Variants in FRMD4A observed in about 807,000 individuals in gnomAD.
FRMD4A encodes the protein FERM domain containing 4A.
FRMD4A carries 29 observed loss-of-function variants against 129.1 expected under a neutral mutation model. The ratio of observed to expected loss-of-function variants is 0.22; its 90% CI spans 0.17 to 0.31. FRMD4A has a LOEUF of 0.31. Among genes scored for constraint, FRMD4A ranks in the 10% least tolerant of loss-of-function variants. The probability of loss-of-function intolerance (pLI) is 1.00; values close to 1 mark genes in which losing one functional copy is unlikely to be tolerated. For synonymous variants in FRMD4A, 634 were observed against 571.6 expected, an observed-to-expected ratio of 1.11 and a Z score of -1.56; for missense variants, 1,272 against 1,375.8, an observed-to-expected ratio of 0.92 and a Z score of 1.19.
chr10:13,884,138 ACACACT>A (rs2094580180), intron 2 of FRMD4A, among the ~76,000 whole-genome samples: 5 of 23,046 alleles, frequency 2.2e-4, no homozygotes, highest in South Asian at 2.0e-3. Context: ...ACACGCTCAC[ACACACT>A]CTCACACACT....
rs141744780 is a variant in FRMD4A, at chr10:14,323,097, T to C, written c.45+6961A>G. 1.6e-3 allele frequency among the ~76,000 whole-genome samples: 242 copies of C among 152,320 alleles called. 2 individuals are homozygous for C. The highest frequency in any genetic ancestry group is 5.7e-3 in the African/African-American group (237 of 41,562). On this transcript the variant is annotated intron_variant, in intron 2 of 24. Transcript: ENST00000357447. ...AATGGCTCACATGGCCACAGGAACA[T>C]CTGTTTTTCTAAAAGCGTTAGCTGA...
chr10:13,943,675 A>AAAAAAAAAAAG (rs2095310696), intron 2 of FRMD4A, among the ~76,000 whole-genome samples: 1 of 123,792 alleles, frequency 8.1e-6, no homozygotes, highest in African/African-American at 2.8e-5. Context: ...AAAAAAAAAA[A>AAAAAAAAAAAG]AAAAGAAAAA....
At position 13,866,386 on chromosome 10, in the gene FRMD4A, A is replaced by C. The variant is rs151157969; in HGVS notation, c.46-7474T>G. On this transcript the variant is annotated intron_variant, in intron 2 of 24. Transcript: ENST00000357447. ...CCAGGCTGTTGTGTGGCTCAGAAGG[A>C]AATTCCAAGGCCATGACTACAACTT... is the stretch of plus-strand genomic sequence containing the variant. 3.0e-3 allele frequency: 1,241 copies of C among 417,870 alleles called. 3 individuals carry two copies. Among genetic ancestry groups the C allele is most frequent in the Non-Finnish European group, 3.6e-3 (1,133 of 310,750 alleles). The allele number at this position is 417,870 out of a possible 1,614,324, so 25.9% of individuals were successfully genotyped here.
Position 13,666,239 on chromosome 10 carries a change from G to A in FRMD4A, c.1461C>T (p.Asn487=), listed in dbSNP as rs761788752. The A allele has an allele frequency of 3.7e-6, 6 of 1,613,980 alleles. No individual in the cohort carries two copies. The highest frequency in any genetic ancestry group is 3.3e-5 in the South Asian group (3 of 91,078). The change falls in exon 18 of 25, where the codon AAC becomes AAT. Residue 487 remains asparagine, a synonymous_variant. Coordinates refer to ENST00000357447, the MANE Select transcript of FRMD4A (RefSeq NM_018027.5). ...EAARRLASDP[N]VSKKLKKQRK... ...TTTGTTTCTTCAGTTTTTTGCTGAC[G>A]TTGGGGTCACTGGCTAGGCGGCGGG... is the stretch of plus-strand genomic sequence containing the variant.
intron 4 of FRMD4A, among the ~76,000 whole-genome samples, chr10:13,804,230 A>T (rs1353185128): frequency 6.6e-6 from 1 of 152,228 alleles, no homozygotes; most frequent in East Asian, 1.9e-4. Flanking sequence ...CCAGCAGATA[A>T]TACGTGGAAA....
chr10:14,241,824 C>T (rs946638817), intron 2 of FRMD4A, among the ~76,000 whole-genome samples: 2 of 151,578 alleles, frequency 1.3e-5, no homozygotes, highest in South Asian at 2.1e-4. Flanking sequence ...TCCATCTGCC[C>T]TACAGGATGG....
chr10:14,262,619 G>A (rs752941957), intron 2 of FRMD4A, among the ~76,000 whole-genome samples: 2 of 152,128 alleles, frequency 1.3e-5, no homozygotes, highest in Non-Finnish European at 2.9e-5. Flanking sequence ...CAGAGCTCAT[G>A]AGTTAAAGAC....
At chr10:13,717,885 T>TA (rs1455487616) in intron 12 of FRMD4A, among the ~76,000 whole-genome samples, 1 of 151,850 alleles carries the variant, frequency 6.6e-6, no homozygotes, top group Non-Finnish European at 1.5e-5. Context: ...TGCAGGGAAA[T>TA]ACAGGCATAC....
intron 2 of FRMD4A, among the ~76,000 whole-genome samples, chr10:13,961,608 T>A (rs2095445907): frequency 6.6e-6 from 1 of 152,186 alleles, no homozygotes; most frequent in Admixed American, 6.5e-5. Context: ...CACCTCAGCC[T>A]AGTTAATTCC....
chr10:13,741,653 A>C (rs2091012261), intron 9 of FRMD4A, among the ~76,000 whole-genome samples: 1 of 152,116 alleles, frequency 6.6e-6, no homozygotes, highest in African/African-American at 2.4e-5. Flanking sequence ...GCAGGCATTG[A>C]CCTTAACCAA....
chr10:13,911,748 G>C (rs1208356267), intron 2 of FRMD4A, among the ~76,000 whole-genome samples: 6 of 152,186 alleles, frequency 3.9e-5, no homozygotes, highest in Non-Finnish European at 1.5e-5. Flanking sequence ...TTTTAGTAGG[G>C]ACTGGGTTTC....
Position 13,782,930 on chromosome 10 carries a change from T to C in FRMD4A, c.376A>G (p.Ile126Val), listed in dbSNP as rs756249236. Residue 126 changes from isoleucine (I) to valine (V), a missense_variant, in exon 6 of 25, where the codon ATC becomes GTC. By Grantham distance (29) the Ile-to-Val change is conservative. Around this residue, in one of 2 missense-constraint regions of FRMD4A, gnomAD observed 300 missense variants for 483.6 expected, o/e 0.62. Coordinates refer to ENST00000357447, the MANE Select transcript of FRMD4A (RefSeq NM_018027.5). Reference protein sequence around the residue: ...ELFFLNAKSCIYKELIDVDSE... With the variant: ...ELFFLNAKSCVYKELIDVDSE... ...GGAGAGGGAGTTCCTACCTTGTAGA[T>C]GCAGGACTTCGCGTTCAGAAAGAAA... 2 of 1,388,240 alleles carry C rather than the reference T, an allele frequency of 1.4e-6. No homozygotes were observed. The highest frequency in any genetic ancestry group is 2.1e-6 in the Non-Finnish European group (2 of 973,632). 86.0% of individuals were successfully genotyped at this position (1,388,240 alleles called of 1,614,324 possible). A position where few individuals can be genotyped will look rare whatever the true frequency, so the allele number is the denominator to read the frequency against.
In FRMD4A at chr10:13,767,705, C is replaced by T. The variant is rs73591101; in HGVS notation, c.385-5025G>A. ...AGGAGGAGGAGCAGAAGACACTTCC[C>T]GGAGGCTTGAGGGTGGCTTCCATCT... is the stretch of plus-strand genomic sequence containing the variant. On this transcript the variant is annotated intron_variant, in intron 6 of 24. Coordinates refer to ENST00000357447, the MANE Select transcript of FRMD4A (RefSeq NM_018027.5). Among the ~76,000 whole-genome samples, 742 of 152,278 alleles carry T rather than the reference C, an allele frequency of 4.9e-3. 6 individuals are homozygous for T. Among genetic ancestry groups the T allele is most frequent in the African/African-American group, 0.015 (615 of 41,550 alleles).
chr10:14,293,298 C>T (rs1589274269), intron 2 of FRMD4A, among the ~76,000 whole-genome samples: 1 of 152,236 alleles, frequency 6.6e-6, no homozygotes, highest in Middle Eastern at 3.4e-3. Flanking sequence ...GCCCTTCCAC[C>T]TTCCACCACA....
At chr10:13,825,670 C>T (rs1387942486) in intron 3 of FRMD4A, among the ~76,000 whole-genome samples, 2 of 152,202 alleles carry the variant, frequency 1.3e-5, no homozygotes, top group African/African-American at 4.8e-5. Flanking sequence ...CAATGCCAGA[C>T]AAAGGGATGA....
intron 2 of FRMD4A, among the ~76,000 whole-genome samples, chr10:14,134,362 TG>T (rs1019324580): frequency 6.6e-6 from 1 of 151,004 alleles, no homozygotes; most frequent in Non-Finnish European, 1.5e-5. Context: ...GATGAATGGA[TG>T]GGTAGATGGA....
intron 15 of FRMD4A, among the ~76,000 whole-genome samples, chr10:13,689,359 G>T (rs2085447022): frequency 6.6e-6 from 1 of 151,894 alleles, no homozygotes; most frequent in Non-Finnish European, 1.5e-5. Context: ...GAGGGTCAGA[G>T]AATAATTGAA....
At chr10:13,920,386 C>A (rs2095058215) in intron 2 of FRMD4A, among the ~76,000 whole-genome samples, 2 of 152,202 alleles carry the variant, frequency 1.3e-5, no homozygotes. Flanking sequence ...TTAAGGTGTC[C>A]TTTACATCCT....
chr10:14,328,137 C>G (rs1843352522), intron 2 of FRMD4A, among the ~76,000 whole-genome samples: 2 of 152,060 alleles, frequency 1.3e-5, no homozygotes, highest in South Asian at 2.1e-4. Context: ...ACATGGTACT[C>G]CAGGGTTCTT....
Sources: gnomAD v4.1 joint callset for allele counts (sites outside exome capture counted in the v4.1 genomes callset) on GRCh38, gnomAD v4.1.1 for gene constraint, gnomAD v4.1.1 regional missense constraint, MANE v1.5 for transcripts, NCBI Gene and HGNC (gene_info 2026-07-23, HGNC 2026-07-21) for gene names.